Variants in CALB1 observed in about 807,000 individuals in gnomAD.
The protein encoded by CALB1 is calbindin 1, also known as calbindin.
In CALB1, 16 loss-of-function variants were observed where a neutral mutation model predicts 46.7. That is an observed-to-expected ratio of 0.34 (90% CI 0.23 to 0.52). CALB1 has a LOEUF of 0.52. Ranked by LOEUF, CALB1 falls within the 20% of genes least tolerant of loss-of-function variation. The pLI is 0.95. For missense variants in CALB1, 224 were observed against 300.3 expected (o/e 0.75, Z 1.88); for synonymous variants, 90 against 112.8 (o/e 0.80, Z 1.28).
rs1814452263 is a variant in CALB1 at position 90,069,069 on chromosome 8, G to A, written c.316-15C>T. Reference sequence around the variant, plus strand: ...TTTCTCCATGTCTGTAAGTAATTTTGGATAAGGAAAACAAACACATTTTTA... The same window carrying A: ...TTTCTCCATGTCTGTAAGTAATTTTAGATAAGGAAAACAAACACATTTTTA... On this transcript the variant is annotated splice_polypyrimidine_tract_variant and intron_variant, in intron 4 of 10. Coordinates refer to ENST00000265431, the MANE Select transcript of CALB1 (RefSeq NM_004929.4). 1 of 1,612,296 alleles carries A rather than the reference G, an allele frequency of 6.2e-7. No homozygotes were observed. The highest frequency in any genetic ancestry group is 1.3e-5 in the African/African-American group (1 of 74,930).
At chr8:90,060,551 C>A in intron 10 of CALB1, 78 bp downstream of exon 10, 1 of 1,136,620 alleles carries the variant, frequency 8.8e-7, no homozygotes, top group Non-Finnish European at 1.3e-6. Flanking sequence ...AGTAGATTTC[C>A]AAAATGGATG....
chr8:90,058,720 A>G lies in CALB1; in HGVS notation c.*1453T>C, dbSNP rs191078341. The G allele has an allele frequency of 6.6e-6, 1 of 152,326 alleles. No homozygotes were observed. Among genetic ancestry groups the G allele is most frequent in the Non-Finnish European group, 1.5e-5 (1 of 68,028 alleles). The allele number at this position is 152,326 out of a possible 1,614,324, so 9.4% of individuals were successfully genotyped here. ...ATCTCCCACTCAACATCATTTGTTG[A>G]ATTTTAGTTTTTGGCAAATCTCGTT... On this transcript the variant is annotated 3_prime_UTR_variant, in exon 11 of 11. Transcript: ENST00000265431.
intron 5 of CALB1, among the ~76,000 whole-genome samples, chr8:90,068,404 A>T (rs554898969): frequency 5.9e-5 from 9 of 152,208 alleles, no homozygotes; most frequent in East Asian, 5.8e-4. Flanking sequence ...TTTATTTTTT[A>T]TCATCATTGC....
intron 3 of CALB1, among the ~76,000 whole-genome samples, chr8:90,073,097 TG>T (rs1175006861): frequency 6.6e-6 from 1 of 152,220 alleles, no homozygotes; most frequent in East Asian, 1.9e-4. Context: ...GCCCAGAAAC[TG>T]CACAAATTTT....
rs147073977 is a variant in CALB1 at position 90,079,869 on chromosome 8, T to G, written c.157-1422A>C. On this transcript the variant is annotated intron_variant, in intron 2 of 10. Transcript: ENST00000265431. Reference sequence around the variant, plus strand: ...TATTAATACGAAAAGCCAAACAATGTTTCCATTAATGCAATGAAATCTGTT... The same window carrying G: ...TATTAATACGAAAAGCCAAACAATGGTTCCATTAATGCAATGAAATCTGTT... Among the ~76,000 whole-genome samples, 8 of 152,110 alleles carry G rather than the reference T, an allele frequency of 5.3e-5. No homozygotes were observed. In the East Asian group the frequency reaches 1.5e-3, roughly 29 times the overall value.
chr8:90,082,509 G>T (rs1269287613), intron 1 of CALB1, 110 bp downstream of exon 1: 2 of 890,402 alleles, frequency 2.2e-6, no homozygotes, highest in East Asian at 4.9e-5. Context: ...GGGGGAAGAA[G>T]TAAAGAATAG....
intron 3 of CALB1, among the ~76,000 whole-genome samples, chr8:90,072,421 C>G (rs985094305): frequency 6.6e-6 from 1 of 152,158 alleles, no homozygotes; most frequent in Non-Finnish European, 1.5e-5. Flanking sequence ...GCAACATATT[C>G]AATCTGTTTT....
rs1487914944 is a variant in CALB1, at chr8:90,065,957, G to A, written c.391C>T (p.Leu131=). 1.2e-6 allele frequency: 2 copies of A among 1,609,052 alleles called. No individual in the cohort carries two copies. Among genetic ancestry groups the A allele is most frequent in the South Asian group, 2.2e-5 (2 of 90,942 alleles). The part of the protein sequence containing the change: ...EELKNFLKDL[L]EKANKTVDDT... ...TCAACAGTCTTGTTTGCTTTTTCTAGCAGGTCCTTTAGAAAGTTCTGTTAA... is the reference window on the plus strand; with the variant it reads ...TCAACAGTCTTGTTTGCTTTTTCTAACAGGTCCTTTAGAAAGTTCTGTTAA... Residue 131 remains leucine (L), a synonymous_variant, in exon 6 of 11, where the codon CTA becomes TTA. Coordinates refer to ENST00000265431, the MANE Select transcript of CALB1 (RefSeq NM_004929.4).
intron 5 of CALB1, among the ~76,000 whole-genome samples, chr8:90,068,546 A>G (rs894364333): frequency 3.9e-5 from 6 of 151,994 alleles, no homozygotes; most frequent in Admixed American, 6.5e-5. Context: ...CTCTTCCTCA[A>G]TGGGGTAATA....
Position 90,063,450 on chromosome 8 carries a change from A to G in CALB1, c.462T>C (p.Phe154=). ...CCAGCTTCCCATCATTATTTGAATC[A>G]AATAGTTTCAGCTGAAAGACAGAAT... ...AEYTDLMLKL[F]DSNNDGKLEL... is the part of the protein sequence containing the mutation. Residue 154 remains phenylalanine, a synonymous_variant, in exon 7 of 11, where the codon TTT becomes TTC. Coordinates refer to ENST00000265431, the MANE Select transcript of CALB1 (RefSeq NM_004929.4). 6.2e-7 allele frequency: 1 copy of G among 1,610,508 alleles called. No individual in the cohort carries two copies. Among genetic ancestry groups the G allele is most frequent in the Admixed American group, 1.7e-5 (1 of 59,818 alleles).
chr8:90,070,987 ATAATT>A lies in CALB1; in HGVS notation c.232-1755_232-1751del, dbSNP rs553510474. ...TAAAATTCTATACCTCAGAAATAAC[ATAATT>A]TAATTTAATTCAAGACCAAATTTTT... On this transcript the variant is annotated intron_variant, in intron 3 of 10. Coordinates refer to ENST00000265431, the MANE Select transcript of CALB1 (RefSeq NM_004929.4). Among the ~76,000 whole-genome samples the A allele has an allele frequency of 3.9e-5, 6 of 152,248 alleles. No homozygotes were observed. The South Asian group carries it at 1.0e-3, about 26-fold the overall frequency.
At position 90,082,711 on chromosome 8, in the gene CALB1, G is replaced by C; in HGVS notation, c.-14C>G. On this transcript the variant is annotated 5_prime_UTR_variant, in exon 1 of 11. Transcript: ENST00000265431. ...GGATTCTGCCATTGTACAGCGGGGT[G>C]TGTGTCTGGGTGTGTGAATATGCGT... 6.2e-7 allele frequency: 1 copy of C among 1,608,642 alleles called. No homozygotes were observed.
rs981221547 is a variant in CALB1, at chr8:90,060,070, G to C, written c.*103C>G. 1.4e-6 allele frequency: 1 copy of C among 728,302 alleles called. No individual in the cohort carries two copies. Among genetic ancestry groups the C allele is most frequent in the South Asian group, 1.5e-5 (1 of 64,850 alleles). The allele number at this position is 728,302 out of a possible 1,614,324, so 45.1% of individuals were successfully genotyped here. On this transcript the variant is annotated 3_prime_UTR_variant, in exon 11 of 11. Transcript: ENST00000265431. ...CATCCTGGATAATTATCTATATGCA[G>C]TTAAATTTACAGATATAAAAGAAAA...
chr8:90,068,911 G>T, intron 5 of CALB1, 87 bp downstream of exon 5: 1 of 890,844 alleles, frequency 1.1e-6, no homozygotes. Context: ...AGTTTCTTTT[G>T]TGGGAGGTTT....
chr8:90,070,234 C>T (rs1442607077), intron 3 of CALB1, among the ~76,000 whole-genome samples: 1 of 151,524 alleles, frequency 6.6e-6, no homozygotes, highest in Non-Finnish European at 1.5e-5. Context: ...CTGTTGGAAG[C>T]ACTGCATTTT....
intron 3 of CALB1, among the ~76,000 whole-genome samples, chr8:90,071,486 C>T (rs1315709282): frequency 1.3e-5 from 2 of 152,012 alleles, no homozygotes; most frequent in African/African-American, 2.4e-5. Context: ...GAGAGCCACA[C>T]CCCTCCAGTC....
At chr8:90,072,526 G>T (rs1475795177) in intron 3 of CALB1, among the ~76,000 whole-genome samples, 2 of 152,094 alleles carry the variant, frequency 1.3e-5, no homozygotes, top group Non-Finnish European at 2.9e-5. Flanking sequence ...ATTATTATGT[G>T]TATATAGGAT....
chr8:90,070,442 A>T lies in CALB1; in HGVS notation c.232-1205T>A, dbSNP rs563137264. ...AGAAAATACTATCATAACTTTTTTT[A>T]AAAAATTCATCCTTTTAGGTTCATT... On this transcript the variant is annotated intron_variant, in intron 3 of 10. Transcript: ENST00000265431. 3.2e-4 allele frequency among the ~76,000 whole-genome samples: 49 copies of T among 152,264 alleles called. 1 individual carries two copies. The highest frequency in any genetic ancestry group is 1.7e-3 in the Admixed American group (26 of 15,286).
chr8:90,082,400 A>T, intron 1 of CALB1: 2 of 609,932 alleles, frequency 3.3e-6, no homozygotes, highest in South Asian at 4.1e-5. Context: ...TGGAAAGACA[A>T]AAGTTTAAGG....
Sources: gnomAD v4.1 joint callset for allele counts (sites outside exome capture counted in the v4.1 genomes callset) on GRCh38, gnomAD v4.1.1 for gene constraint, MANE v1.5 for transcripts, NCBI Gene and HGNC (gene_info 2026-07-23, HGNC 2026-07-21) for gene names.